The following LRP1 variants were observed in gnomAD, a reference collection of about 807,000 sequenced individuals.
LRP1 encodes prolow-density lipoprotein receptor-related protein 1.
LRP1 carries 51 observed loss-of-function variants against 541.5 expected under a neutral mutation model. That is an observed-to-expected ratio of 0.09 (90% CI 0.08 to 0.12). The LOEUF (loss-of-function observed/expected upper bound fraction) is 0.12, where lower values mean the gene tolerates loss of function less well. LRP1 is among the 10% of genes least tolerant of loss of function. LRP1 has a pLI of 1.00. For synonymous variants in LRP1, 2,219 were observed against 2,470.8 expected, an observed-to-expected ratio of 0.90 and a Z score of 3.02; for missense variants, 3,878 against 6,376.2, an observed-to-expected ratio of 0.61 and a Z score of 13.34.
intron 6 of LRP1, chr12:57,149,127 C>T (rs1278000645): frequency 1.0e-5 from 5 of 477,366 alleles, no homozygotes; most frequent in African/African-American, 8.0e-5. Context: ...GTGCTGGGCA[C>T]CCCTGGACCC....
chr12:57,196,854 C>A, intron 55 of LRP1, 128 bp from the exon 56 acceptor site: 1 of 776,782 alleles, frequency 1.3e-6, no homozygotes, highest in Non-Finnish European at 2.1e-6. Context: ...GCTGGGTGGG[C>A]TCAGTACCCA....
rs762906244 is a variant in LRP1 at position 57,210,721 on chromosome 12, T to G, written c.12758T>G (p.Met4253Arg). Reference protein sequence around the residue: ...GGTCAASPSGMPTCRCPTGFT... With the variant: ...GGTCAASPSGRPTCRCPTGFT... ...CTCACACATCCTCTCCCACCAGGCA[T>G]GCCCACGTGCCGGTGCCCCACGGGC... Residue 4253 changes from methionine to arginine, a missense_variant, in exon 83 of 89, where the codon ATG becomes AGG. Physicochemically the swap from Met to Arg is moderately conservative, Grantham distance 91 (BLOSUM62 -1). Around this residue, in one of 13 missense-constraint regions of LRP1, gnomAD observed 871 missense variants for 1,212.4 expected, o/e 0.72. Coordinates refer to ENST00000243077, the MANE Select transcript of LRP1 (RefSeq NM_002332.3). 6.2e-7 allele frequency: 1 copy of G among 1,608,090 alleles called. No individual in the cohort carries two copies. Among genetic ancestry groups the G allele is most frequent in the Non-Finnish European group, 8.5e-7 (1 of 1,175,546 alleles).
At chr12:57,194,847 A>C (rs1189350890) in intron 50 of LRP1, 138 bp from the exon 51 acceptor site, 1 of 1,198,898 alleles carries the variant, frequency 8.3e-7, no homozygotes, top group African/African-American at 1.5e-5. Context: ...AGACTCAGAG[A>C]CTCTGCCTCT....
chr12:57,179,384 G>A lies in LRP1; in HGVS notation c.4794G>A (p.Leu1598=). The A allele has an allele frequency of 1.2e-6, 2 of 1,614,214 alleles. No homozygotes were observed. Among genetic ancestry groups the A allele is most frequent in the Non-Finnish European group, 1.7e-6 (2 of 1,180,026 alleles). ...ARQMEIRGVD[L]DAPYYNYIIS... ...AGATGGAGATCCGAGGTGTGGACCTGGATGCTCCCTACTACAACTACATCA... is the reference window on the plus strand; with the variant it reads ...AGATGGAGATCCGAGGTGTGGACCTAGATGCTCCCTACTACAACTACATCA... The change falls in exon 29 of 89, where the codon CTG becomes CTA. Residue 1598 remains leucine, a synonymous_variant. Coordinates refer to ENST00000243077, the MANE Select transcript of LRP1 (RefSeq NM_002332.3). The surrounding 1 kb of genome is among the most constrained non-coding windows in gnomAD (Gnocchi z 6.8).
chr12:57,193,377 G>T (rs1592649033), intron 46 of LRP1, 73 bp downstream of exon 46: 7 of 1,577,856 alleles, frequency 4.4e-6, no homozygotes, highest in African/African-American at 2.7e-5. Flanking sequence ...GCCCCTGCAG[G>T]ATGGAGCAGG....
At position 57,209,156 on chromosome 12, in the gene LRP1, G is replaced by A. The variant is rs2036853574; in HGVS notation, c.12219G>A (p.Arg4073=). ...DAKLSVIGSI[R]LNGTDPIVAA... ...AGCTTTCAGTCATCGGCAGCATCCG[G>A]CTCAATGGCACGGACCCCATTGTGG... The change falls in exon 79 of 89, where the codon CGG becomes CGA. Residue 4073 remains arginine, a synonymous_variant. Coordinates refer to ENST00000243077, the MANE Select transcript of LRP1 (RefSeq NM_002332.3). 1 of 1,614,068 alleles carries A rather than the reference G, an allele frequency of 6.2e-7. No individual in the cohort carries two copies. The highest frequency in any genetic ancestry group is 8.5e-7 in the Non-Finnish European group (1 of 1,180,006).
At position 57,193,193 on chromosome 12, in the gene LRP1, C is replaced by G. The variant is rs1555186326; in HGVS notation, c.7573C>G (p.Arg2525Gly). 3 of 1,614,044 alleles carry G rather than the reference C, an allele frequency of 1.9e-6. No homozygotes were observed. In the Admixed American group the frequency reaches 5.0e-5, roughly 27 times the overall value. The stretch of plus-strand genomic sequence containing the variant: ...CTCCCCAGCGGTGAATTCCTCTTGC[C>G]GAGCACAAGATGAGTTTGAGTGTGC... ...LTCRAVNSSC[R>G]AQDEFECANG... The change falls in exon 46 of 89, where the codon CGA becomes GGA. Residue 2525 changes from arginine to glycine, a missense_variant. Arg to Gly is a moderately radical substitution (Grantham distance 125). Transcript: ENST00000243077.
Position 57,154,264 on chromosome 12 carries a change from A to T in LRP1, c.898A>T (p.Ile300Phe). ...AGGCAACTTCTACTTTGTGGATGAC[A>T]TCGATGATAGGATCTTTGTCTGCAA... ...LTGNFYFVDD[I>F]DDRIFVCNRN... The change falls in exon 7 of 89, where the codon ATC (isoleucine) becomes TTC (phenylalanine). Residue 300 changes from isoleucine (I) to phenylalanine (F), a missense_variant. Coordinates refer to ENST00000243077, the MANE Select transcript of LRP1 (RefSeq NM_002332.3). This position sits in a 1 kb window ranked among gnomAD's most constrained non-coding sequence, Gnocchi z 4.6. The T allele has an allele frequency of 6.2e-7, 1 of 1,614,242 alleles. No individual in the cohort carries two copies. The highest frequency in any genetic ancestry group is 8.5e-7 in the Non-Finnish European group (1 of 1,180,042).
At position 57,205,414 on chromosome 12, in the gene LRP1, GCAC is replaced by G; in HGVS notation, c.11401_11403del (p.Thr3801del). 2 of 1,608,752 alleles carry G rather than the reference GCAC, an allele frequency of 1.2e-6. No individual in the cohort carries two copies. The highest frequency in any genetic ancestry group is 2.2e-5 in the South Asian group (2 of 91,026). ...TGTGGGGACGAGGCACGCTGCGTGC[GCAC>G]CGAGAAAGCGGCCTACTGTGCCTGC... On this transcript the variant is annotated inframe_deletion, in exon 74 of 89. Coordinates refer to ENST00000243077, the MANE Select transcript of LRP1 (RefSeq NM_002332.3). This position sits in a 1 kb window ranked among gnomAD's most constrained non-coding sequence, Gnocchi z 4.6.
intron 6 of LRP1, among the ~76,000 whole-genome samples, chr12:57,147,857 A>G (rs1387094390): frequency 6.6e-6 from 1 of 152,142 alleles, no homozygotes; most frequent in Non-Finnish European, 1.5e-5. Flanking sequence ...GTGTGTGAAC[A>G]TTCCTCTTCA....
Position 57,156,001 on chromosome 12 carries a change from G to A in LRP1, c.1228-93G>A, listed in dbSNP as rs1160498149. On this transcript the variant is annotated intron_variant, in intron 8 of 88. Coordinates refer to ENST00000243077, the MANE Select transcript of LRP1 (RefSeq NM_002332.3). This position sits in a 1 kb window ranked among gnomAD's most constrained non-coding sequence, Gnocchi z 5.2. ...CTACAGGATGAATTGGGGAATGCAG[G>A]TCATGAAGTCTGGAGGAAGCTGAGG... 2.1e-6 allele frequency: 2 copies of A among 956,080 alleles called. No homozygotes were observed. The highest frequency in any genetic ancestry group is 1.5e-5 in the South Asian group (1 of 65,228). 59.2% of individuals were successfully genotyped at this position (956,080 alleles called of 1,614,324 possible).
At position 57,183,962 on chromosome 12, in the gene LRP1, C is replaced by A; in HGVS notation, c.5929+53C>A. 1 of 1,610,226 alleles carries A rather than the reference C, an allele frequency of 6.2e-7. No individual in the cohort carries two copies. The highest frequency in any genetic ancestry group is 1.1e-5 in the South Asian group (1 of 90,728). On this transcript the variant is annotated intron_variant, in intron 36 of 88. Transcript: ENST00000243077. This position sits in a 1 kb window ranked among gnomAD's most constrained non-coding sequence, Gnocchi z 6.1. The stretch of plus-strand genomic sequence containing the variant: ...TGGGGTGTGGCAGAGGACTGGGGGA[C>A]GAAGTGAGAGGAGGAGTTGGCGGGA...
At chr12:57,182,061 G>T (rs145817261) in intron 34 of LRP1, among the ~76,000 whole-genome samples, 1 of 152,132 alleles carries the variant, frequency 6.6e-6, no homozygotes, top group Non-Finnish European at 1.5e-5. Flanking sequence ...TTTTTCAAGC[G>T]TTTGGGGTTT....
chr12:57,180,934 T>G, intron 33 of LRP1, 127 bp downstream of exon 33: 1 of 1,338,922 alleles, frequency 7.5e-7, no homozygotes. Flanking sequence ...CCAAAGGGGC[T>G]CCTTGTTTCC....
chr12:57,191,092 C>T, intron 43 of LRP1, 83 bp downstream of exon 43: 2 of 1,415,084 alleles, frequency 1.4e-6, no homozygotes, highest in Non-Finnish European at 1.9e-6. Flanking sequence ...ACCGTCCAGG[C>T]ACAGACATGG....
Position 57,185,212 on chromosome 12 carries a change from C to T in LRP1, c.6463+7C>T, listed in dbSNP as rs368656442. ...AACCGGGACCGGCAGAAAGGTGAGGCTGGGGCTCTGGGCTGGGGTGGAGAG... is the reference window on the plus strand; with the variant it reads ...AACCGGGACCGGCAGAAAGGTGAGGTTGGGGCTCTGGGCTGGGGTGGAGAG... On this transcript the variant is annotated splice_region_variant and intron_variant, in intron 40 of 88. Transcript: ENST00000243077. The surrounding 1 kb of genome is among the most constrained non-coding windows in gnomAD (Gnocchi z 4.9). 3 of 1,613,794 alleles carry T rather than the reference C, an allele frequency of 1.9e-6. No individual in the cohort carries two copies. In the African/African-American group the frequency reaches 4.0e-5, roughly 22 times the overall value.
Position 57,156,861 on chromosome 12 carries a change from C to T in LRP1, c.1502C>T (p.Ala501Val), listed in dbSNP as rs565832964. ...TGCCTGCTGGCCAACAGCCACAAGG[C>T]GCGGACCTGCCGCTGCCGTTCCGGC... is the stretch of plus-strand genomic sequence containing the variant. ...DICLLANSHK[A>V]RTCRCRSGFS... Residue 501 changes from alanine to valine, a missense_variant, in exon 10 of 89, where the codon GCG becomes GTG. This residue lies in a region of LRP1 where 496 missense variants were observed against 861.0 expected (regional missense o/e 0.58). Transcript: ENST00000243077. This position sits in a 1 kb window ranked among gnomAD's most constrained non-coding sequence, Gnocchi z 5.2. 105 of 1,598,196 alleles carry T rather than the reference C, an allele frequency of 6.6e-5. 1 individual carries two copies. Among genetic ancestry groups the T allele is most frequent in the South Asian group, 6.3e-4 (57 of 90,552 alleles).
intron 43 of LRP1, 152 bp from the exon 44 acceptor site, chr12:57,191,168 C>A: frequency 9.3e-7 from 1 of 1,077,720 alleles, no homozygotes; most frequent in Non-Finnish European, 1.3e-6. Flanking sequence ...CCCTGTCCAG[C>A]TTGCTCCTCA....
At chr12:57,207,119 T>C (rs755019654) in intron 76 of LRP1, among the ~76,000 whole-genome samples, 2 of 151,924 alleles carry the variant, frequency 1.3e-5, no homozygotes, top group Non-Finnish European at 2.9e-5. Context: ...GGCGGGCGCC[T>C]GTAGTCCCAG....
Sources: gnomAD v4.1 joint callset for allele counts (sites outside exome capture counted in the v4.1 genomes callset) on GRCh38, gnomAD v4.1.1 for gene constraint, gnomAD v4.1.1 regional missense constraint, Gnocchi (gnomAD v3.1) non-coding constraint, MANE v1.5 for transcripts, NCBI Gene and HGNC (gene_info 2026-07-23, HGNC 2026-07-21) for gene names.